The following RSRC1 variants were observed in gnomAD, a reference collection of about 807,000 sequenced individuals.
RSRC1 encodes serine/Arginine-related protein 53.
RSRC1 carries 39 observed loss-of-function variants against 49.1 expected under a neutral mutation model. That is an observed-to-expected ratio of 0.79 (90% confidence interval 0.61 to 1.04). The LOEUF is 1.04. Among genes scored for constraint, RSRC1 ranks in the 50% least tolerant of loss-of-function variants. The pLI is 0.00. For missense variants in RSRC1, 388 were observed against 402.4 expected (o/e 0.96, Z 0.31); for synonymous variants, 143 against 130.8 (o/e 1.09, Z -0.63).
At chr3:158,369,498 T>C (rs978133067) in intron 6 of RSRC1, among the ~76,000 whole-genome samples, 1 of 152,144 alleles carries the variant, frequency 6.6e-6, no homozygotes. Flanking sequence ...CTGTATGATT[T>C]TAGTCTGGTG....
intron 6 of RSRC1, among the ~76,000 whole-genome samples, chr3:158,428,151 G>A (rs1301259898): frequency 6.6e-6 from 1 of 151,720 alleles, no homozygotes; most frequent in Non-Finnish European, 1.5e-5. Context: ...CTCTAGGAAA[G>A]GAGTCAAGCC....
At chr3:158,198,095 A>G (rs571204536) in intron 3 of RSRC1, among the ~76,000 whole-genome samples, 1 of 152,222 alleles carries the variant, frequency 6.6e-6, no homozygotes, top group African/African-American at 2.4e-5. Flanking sequence ...GTGGGGTGTT[A>G]AAGTCTCCCA....
chr3:158,446,398 T>G (rs574856625), intron 6 of RSRC1, among the ~76,000 whole-genome samples: 106 of 152,088 alleles, frequency 7.0e-4, no homozygotes, highest in African/African-American at 2.4e-3. Flanking sequence ...ATATTTTTAT[T>G]GCCTATAAAA....
At chr3:158,148,329 G>A (rs1010914386) in intron 3 of RSRC1, among the ~76,000 whole-genome samples, 3 of 150,640 alleles carry the variant, frequency 2.0e-5, no homozygotes, top group African/African-American at 7.4e-5. Flanking sequence ...AAATGTGCAA[G>A]ATCCAAATTT....
chr3:158,197,447 A>C (rs1305135255), intron 3 of RSRC1, among the ~76,000 whole-genome samples: 1 of 152,126 alleles, frequency 6.6e-6, no homozygotes, highest in East Asian at 1.9e-4. Context: ...CTTTTCACAA[A>C]AGCAGCTCCT....
Position 158,197,337 on chromosome 3 carries a change from T to C in RSRC1, c.321-5735T>C, listed in dbSNP as rs1321829254. ...ATGGTAGTTTGTATTTCTGTGGGAT[T>C]GGTGGTGATATCCCCTTTTTCATTT... On this transcript the variant is annotated intron_variant, in intron 3 of 9. Transcript: ENST00000611884. Among the ~76,000 whole-genome samples the C allele has an allele frequency of 2.6e-5, 4 of 152,052 alleles. No individual in the cohort carries two copies. In the South Asian group the frequency reaches 6.2e-4, roughly 24 times the overall value.
At chr3:158,197,996 G>A (rs1720746664) in intron 3 of RSRC1, among the ~76,000 whole-genome samples, 1 of 152,114 alleles carries the variant, frequency 6.6e-6, no homozygotes, top group East Asian at 1.9e-4. Flanking sequence ...TTCTGTAGAT[G>A]TCTATTAGGT....
chr3:158,381,773 A>G lies in RSRC1; in HGVS notation c.583+26865A>G, dbSNP rs377460264. Among the ~76,000 whole-genome samples the G allele has an allele frequency of 2.4e-4, 37 of 152,314 alleles. 1 individual carries two copies. In the East Asian group the frequency reaches 4.8e-3, roughly 20 times the overall value. On this transcript the variant is annotated intron_variant, in intron 6 of 9. Transcript: ENST00000611884. ...AGAAAAGGTACAGTAAAGATATGCT[A>G]TAAAAGATAAAAAATAATGCACTTG...
intron 7 of RSRC1, among the ~76,000 whole-genome samples, chr3:158,513,965 T>C (rs1740350049): frequency 6.6e-6 from 1 of 152,164 alleles, no homozygotes; most frequent in South Asian, 2.1e-4. Flanking sequence ...GGTGGTGATA[T>C]CCCCTTTATC....
intron 7 of RSRC1, among the ~76,000 whole-genome samples, chr3:158,531,704 G>A (rs931981184): frequency 1.3e-5 from 2 of 151,816 alleles, no homozygotes; most frequent in East Asian, 1.9e-4. Context: ...TATTGGTCTC[G>A]AACAACCTCA....
In RSRC1 at chr3:158,115,243, T is replaced by C. The variant is rs1007221259; in HGVS notation, c.-3+5020T>C. On this transcript the variant is annotated intron_variant, in intron 1 of 9. Coordinates refer to ENST00000611884, the MANE Select transcript of RSRC1 (RefSeq NM_001271838.2). ...CAACCAGCCTTCTATTATGGATAAATTATGTTGTTTGTAATTAGAACAAAT... is the reference window on the plus strand; with the variant it reads ...CAACCAGCCTTCTATTATGGATAAACTATGTTGTTTGTAATTAGAACAAAT... Among the ~76,000 whole-genome samples the C allele has an allele frequency of 4.6e-5, 7 of 152,358 alleles. No individual in the cohort carries two copies. The East Asian group carries it at 1.4e-3, about 29-fold the overall frequency.
intron 3 of RSRC1, among the ~76,000 whole-genome samples, chr3:158,162,334 G>T (rs567657149): frequency 6.6e-6 from 1 of 152,244 alleles, no homozygotes; most frequent in African/African-American, 2.4e-5. Context: ...TTTTAGTCGG[G>T]CCTACTGGTA....
chr3:158,349,951 G>A (rs529945016), intron 5 of RSRC1, among the ~76,000 whole-genome samples: 1 of 151,418 alleles, frequency 6.6e-6, no homozygotes, highest in African/African-American at 2.4e-5. Flanking sequence ...GCCTGCCTTG[G>A]CCTCCCAAAG....
In RSRC1 at chr3:158,122,185, C is replaced by T; in HGVS notation, c.81C>T (p.Ser27=). ...KKKHRRRSSS[S]SSSDSRTYSR... is the part of the protein sequence containing the mutation. ...AACACCGTAGACGGTCCTCCTCGAGCAGTTCTTCAGATAGTAGAACATACA... is the reference window on the plus strand; with the variant it reads ...AACACCGTAGACGGTCCTCCTCGAGTAGTTCTTCAGATAGTAGAACATACA... The change falls in exon 2 of 10, where the codon AGC becomes AGT. Residue 27 remains serine (S), a synonymous_variant. Transcript: ENST00000611884. The T allele has an allele frequency of 6.2e-7, 1 of 1,605,278 alleles. No individual in the cohort carries two copies. The highest frequency in any genetic ancestry group is 1.7e-5 in the Admixed American group (1 of 59,252).
intron 6 of RSRC1, among the ~76,000 whole-genome samples, chr3:158,374,899 G>A (rs1218413356): frequency 1.3e-5 from 2 of 152,048 alleles, no homozygotes; most frequent in East Asian, 1.9e-4. Context: ...TCATGTGACA[G>A]TAGTAGATTC....
At chr3:158,337,883 T>C (rs1251075266) in intron 5 of RSRC1, among the ~76,000 whole-genome samples, 1 of 152,232 alleles carries the variant, frequency 6.6e-6, no homozygotes, top group Non-Finnish European at 1.5e-5. Flanking sequence ...AGTTTTCATT[T>C]TATGATGATT....
At chr3:158,140,823 C>T (rs954981029) in intron 3 of RSRC1, among the ~76,000 whole-genome samples, 7 of 152,086 alleles carry the variant, frequency 4.6e-5, no homozygotes, top group African/African-American at 1.7e-4. Flanking sequence ...ATTGTTTATG[C>T]TGTTAGAGAT....
chr3:158,523,964 C>T (rs1711855720), intron 7 of RSRC1, among the ~76,000 whole-genome samples: 1 of 152,116 alleles, frequency 6.6e-6, no homozygotes, highest in Non-Finnish European at 1.5e-5. Flanking sequence ...TTGCTCTTCA[C>T]CAGTCTGCTT....
chr3:158,262,431 A>G (rs1443961647), intron 4 of RSRC1, among the ~76,000 whole-genome samples: 1 of 152,196 alleles, frequency 6.6e-6, no homozygotes, highest in East Asian at 1.9e-4. Context: ...TCAGTTGTTC[A>G]CAAATGTGTG....
Sources: gnomAD v4.1 joint callset for allele counts (sites outside exome capture counted in the v4.1 genomes callset) on GRCh38, gnomAD v4.1.1 for gene constraint, MANE v1.5 for transcripts, NCBI Gene and HGNC (gene_info 2026-07-23, HGNC 2026-07-21) for gene names.